Variants in PPP3CA observed in about 807,000 individuals in gnomAD.
The protein encoded by PPP3CA is protein phosphatase 3 catalytic subunit alpha, also known as CAM-PRP catalytic subunit.
A neutral mutation model predicts 66.5 loss-of-function variants in PPP3CA; 14 were observed. The observed-to-expected ratio is 0.21, with a 90% CI of 0.14 to 0.33. The LOEUF is 0.33. Among genes scored for constraint, PPP3CA ranks in the 10% least tolerant of loss-of-function variants. The probability of loss-of-function intolerance (pLI) is 1.00; values close to 1 mark genes in which losing one functional copy is unlikely to be tolerated. For synonymous variants in PPP3CA, 232 were observed against 226.2 expected (o/e 1.03, Z -0.23); for missense variants, 317 against 639.5 (o/e 0.50, Z 5.44).
At chr4:101,248,744 T>C (rs1387496838) in intron 1 of PPP3CA, among the ~76,000 whole-genome samples, 3 of 152,240 alleles carry the variant, frequency 2.0e-5, no homozygotes, top group Admixed American at 2.0e-4. Context: ...AGTATCAGAC[T>C]TGTAATTAAT....
intron 2 of PPP3CA, among the ~76,000 whole-genome samples, chr4:101,191,462 C>A (rs1230666860): frequency 6.6e-6 from 1 of 152,146 alleles, no homozygotes; most frequent in African/African-American, 2.4e-5. Context: ...CTGCCACAGG[C>A]TGGGACTGAA....
At chr4:101,258,848 G>C (rs1360144670) in intron 1 of PPP3CA, among the ~76,000 whole-genome samples, 1 of 152,120 alleles carries the variant, frequency 6.6e-6, no homozygotes, top group Non-Finnish European at 1.5e-5. Context: ...AACCAGACAA[G>C]TGAACTGTTG....
intron 1 of PPP3CA, among the ~76,000 whole-genome samples, chr4:101,277,687 T>C (rs375874070): frequency 5.8e-4 from 88 of 152,328 alleles, no homozygotes; most frequent in African/African-American, 1.6e-3. Context: ...AATCTATAAA[T>C]GTGCATTGGC....
chr4:101,104,776 T>C (rs1186707316), intron 3 of PPP3CA, among the ~76,000 whole-genome samples: 2 of 152,218 alleles, frequency 1.3e-5, no homozygotes, highest in African/African-American at 4.8e-5. Flanking sequence ...CTATTTTACA[T>C]ACGATATCAA....
intron 8 of PPP3CA, among the ~76,000 whole-genome samples, chr4:101,069,491 A>T (rs1728821088): frequency 6.6e-6 from 1 of 152,166 alleles, no homozygotes; most frequent in Admixed American, 6.5e-5. Flanking sequence ...AGTCTCCTAA[A>T]TAAAATACTC....
Position 101,346,908 on chromosome 4 carries a change from G to T in PPP3CA, c.-112C>A. Reference sequence around the variant, plus strand: ...CCGCCGCCGCCGCCGCCGCCGCGCTGCAAACCGCTCGGCTGGAGGTCTAGG... The same window carrying T: ...CCGCCGCCGCCGCCGCCGCCGCGCTTCAAACCGCTCGGCTGGAGGTCTAGG... On this transcript the variant is annotated 5_prime_UTR_variant, in exon 1 of 14. Transcript: ENST00000394854. The T allele has an allele frequency of 9.9e-7, 1 of 1,007,538 alleles. No individual in the cohort carries two copies. The allele number at this position is 1,007,538 out of a possible 1,614,324, so 62.4% of individuals were successfully genotyped here. A position where few individuals can be genotyped will look rare whatever the true frequency, so the allele number is the denominator to read the frequency against.
At chr4:101,223,661 A>G (rs1725694640) in intron 1 of PPP3CA, among the ~76,000 whole-genome samples, 1 of 151,812 alleles carries the variant, frequency 6.6e-6, no homozygotes, top group African/African-American at 2.4e-5. Flanking sequence ...TTTAAAAAGA[A>G]ACATTTTTCT....
intron 2 of PPP3CA, among the ~76,000 whole-genome samples, chr4:101,134,496 G>A (rs1578481402): frequency 6.6e-6 from 1 of 152,148 alleles, no homozygotes; most frequent in East Asian, 1.9e-4. Flanking sequence ...CATTATCACT[G>A]GTCATTAGAG....
intron 1 of PPP3CA, among the ~76,000 whole-genome samples, chr4:101,235,269 A>T (rs1237371823): frequency 6.6e-6 from 1 of 151,836 alleles, no homozygotes; most frequent in Admixed American, 6.6e-5. Flanking sequence ...AGTAAATTTA[A>T]AGGAGAATAG....
intron 2 of PPP3CA, among the ~76,000 whole-genome samples, chr4:101,189,687 C>CAAAAAAAAAAAA (rs554383258): frequency 1.2e-4 from 9 of 72,592 alleles, no homozygotes; most frequent in African/African-American, 3.9e-4. Flanking sequence ...TAGTGAACGG[C>CAAAAAAAAAAAA]AAAAAAAAAA....
chr4:101,311,573 A>T (rs953599723), intron 1 of PPP3CA, among the ~76,000 whole-genome samples: 3 of 152,160 alleles, frequency 2.0e-5, no homozygotes, highest in African/African-American at 7.2e-5. Context: ...TGAGGTCAGG[A>T]GTTCAAGACC....
At chr4:101,127,008 T>A (rs953984408) in intron 2 of PPP3CA, among the ~76,000 whole-genome samples, 5 of 152,174 alleles carry the variant, frequency 3.3e-5, no homozygotes, top group African/African-American at 9.7e-5. Flanking sequence ...TTCAATACCC[T>A]GATTCCTCTA....
intron 8 of PPP3CA, among the ~76,000 whole-genome samples, chr4:101,071,370 A>T (rs1356403413): frequency 6.6e-6 from 1 of 152,226 alleles, no homozygotes; most frequent in Non-Finnish European, 1.5e-5. Flanking sequence ...GTTATGACAG[A>T]CTTTTTGACA....
chr4:101,252,466 T>C (rs1726708496), intron 1 of PPP3CA, among the ~76,000 whole-genome samples: 4 of 151,944 alleles, frequency 2.6e-5, no homozygotes, highest in Admixed American at 2.6e-4. Flanking sequence ...CTCCCTCAGT[T>C]GGTAAAAAAA....
In PPP3CA at chr4:101,346,863, G is replaced by A. The variant is rs1253667430; in HGVS notation, c.-67C>T. On this transcript the variant is annotated 5_prime_UTR_variant, in exon 1 of 14. Coordinates refer to ENST00000394854, the MANE Select transcript of PPP3CA (RefSeq NM_000944.5). ...GACTGCACACCCCGACCGGACCGGC[G>A]GGCCAGACACTCAACGCCGCCGCCG... 4 of 1,560,718 alleles carry A rather than the reference G, an allele frequency of 2.6e-6. No individual in the cohort carries two copies. The East Asian group carries it at 7.1e-5, about 28-fold the overall frequency.
Position 101,151,874 on chromosome 4 carries a change from T to C in PPP3CA, c.260-42796A>G, listed in dbSNP as rs562844848. 1.2e-4 allele frequency among the ~76,000 whole-genome samples: 19 copies of C among 152,108 alleles called. 1 individual carries two copies. The South Asian group carries it at 3.3e-3, about 27-fold the overall frequency. ...GGTTTCACCATGTTAGCCAGGATGA[T>C]CTTGATCTCCTGACCTCATGATTTG... On this transcript the variant is annotated intron_variant, in intron 2 of 13. Transcript: ENST00000394854.
chr4:101,065,539 C>T (rs1363554471), intron 8 of PPP3CA, among the ~76,000 whole-genome samples: 1 of 152,012 alleles, frequency 6.6e-6, no homozygotes, highest in East Asian at 1.9e-4. Context: ...GGTGTGACTG[C>T]CCTTATGTTA....
chr4:101,068,423 TA>T (rs922163563), intron 8 of PPP3CA, among the ~76,000 whole-genome samples: 18 of 152,032 alleles, frequency 1.2e-4, no homozygotes, highest in Non-Finnish European at 2.6e-4. Context: ...ATGCAACTCA[TA>T]ATGTTCTATG....
At chr4:101,156,513 T>A (rs1052408754) in intron 2 of PPP3CA, among the ~76,000 whole-genome samples, 1 of 152,084 alleles carries the variant, frequency 6.6e-6, no homozygotes, top group South Asian at 2.1e-4. Context: ...AAACCCCGTC[T>A]CTACTAAAAA....
Sources: allele counts gnomAD v4.1 joint callset (sites outside exome capture counted in the v4.1 genomes callset), GRCh38; gene constraint gnomAD v4.1.1; transcripts MANE v1.5; gene names NCBI Gene and HGNC (gene_info 2026-07-23, HGNC 2026-07-21).